MAOA: variants seen among roughly 807,000 people sequenced by gnomAD.
MAOA encodes the protein monoamine oxidase A, also known as amine oxidase [flavin-containing] A.
In MAOA, 6 loss-of-function variants were observed where a neutral mutation model predicts 42.0. That is an observed-to-expected ratio of 0.14 (90% confidence interval 0.08 to 0.28). The LOEUF (loss-of-function observed/expected upper bound fraction) is 0.28. MAOA is among the 10% of genes least tolerant of loss of function. MAOA has a pLI of 1.00. For synonymous variants in MAOA, 140 were observed against 154.0 expected, an observed-to-expected ratio of 0.91 and a Z score of 0.67; for missense variants, 262 against 422.3, an observed-to-expected ratio of 0.62 and a Z score of 3.33.
Position 43,744,394 on chromosome X carries a change from A to G in MAOA, c.1465A>G (p.Thr489Ala), listed in dbSNP as rs753629179. ...KDVPAVEITH[T>A]FWERNLPSVS... ...CGTTCCAGCGGTAGAAATCACCCAC[A>G]CCTTCTGGGAAAGGAACCTGCCCTC... Residue 489 changes from threonine (T) to alanine (A), a missense_variant, in exon 15 of 15, where the codon ACC (threonine) becomes GCC (alanine). By Grantham distance (58) the Thr-to-Ala change is moderately conservative (BLOSUM62 0). Around this residue, in one of 3 missense-constraint regions of MAOA, gnomAD observed 35 missense variants for 36.4 expected, o/e 0.96. Coordinates refer to ENST00000338702, the MANE Select transcript of MAOA (RefSeq NM_000240.4). The G allele has an allele frequency of 8.3e-7, 1 of 1,210,335 alleles. No homozygotes were observed. The highest frequency in any genetic ancestry group is 2.2e-5 in the Admixed American group (1 of 45,924).
Position 43,740,661 on chromosome X carries a change from T to A in MAOA, c.1107-20T>A. 8.5e-7 allele frequency: 1 copy of A among 1,170,806 alleles called. No individual in the cohort carries two copies. On this transcript the variant is annotated intron_variant, in intron 10 of 14. Transcript: ENST00000338702. ...CCTTCCCTAACTTTATTTTTTTTTT[T>A]TTTTGGCTCTGTTTTATAGGAAGAA...
At chrX:43,699,142 A>G (rs2033602468) in intron 3 of MAOA, among the ~76,000 whole-genome samples, 1 of 111,157 alleles carries the variant, frequency 9.0e-6, no homozygotes, top group African/African-American at 3.3e-5. Context: ...AATTTTAAAA[A>G]TAAATAAAAT....
intron 1 of MAOA, among the ~76,000 whole-genome samples, chrX:43,678,591 C>A (rs2033418946): frequency 9.0e-6 from 1 of 111,576 alleles, no homozygotes; most frequent in Non-Finnish European, 1.9e-5. Flanking sequence ...GTAGGGTTGA[C>A]AATTAAGATA....
intron 6 of MAOA, among the ~76,000 whole-genome samples, chrX:43,730,362 C>T (rs1444806322): frequency 4.5e-5 from 5 of 110,333 alleles, no homozygotes; most frequent in East Asian, 2.8e-4. Flanking sequence ...TTATAAGGGC[C>T]GCTCAAGAGA....
chrX:43,718,529 G>A (rs1395985509), intron 5 of MAOA, among the ~76,000 whole-genome samples: 1 of 107,883 alleles, frequency 9.3e-6, no homozygotes, highest in Non-Finnish European at 1.9e-5. Flanking sequence ...GAAATGATCA[G>A]AGGGGTAGTG....
At chrX:43,660,895 C>T (rs984566605) in intron 1 of MAOA, among the ~76,000 whole-genome samples, 7 of 111,632 alleles carry the variant, frequency 6.3e-5, no homozygotes, top group Non-Finnish European at 1.1e-4. Flanking sequence ...TGAAATGGTT[C>T]TCTTTAGTAG....
intron 8 of MAOA, 78 bp from the exon 9 acceptor site, chrX:43,732,621 T>C: frequency 5.9e-6 from 4 of 682,217 alleles, no homozygotes; most frequent in Non-Finnish European, 9.6e-6. Flanking sequence ...TAAAAAATAG[T>C]TTATATATAT....
rs1229034614 is a variant in MAOA at position 43,659,842 on chromosome X, C to A, written c.73+3428C>A. 7.2e-5 allele frequency among the ~76,000 whole-genome samples: 8 copies of A among 111,340 alleles called. No individual in the cohort carries two copies. The Admixed American group carries it at 7.7e-4, about 11-fold the overall frequency. On this transcript the variant is annotated intron_variant, in intron 1 of 14. Transcript: ENST00000338702. ...TTCTGCACCCTTTTAGCAGATCCTT[C>A]TCACTCTTCTTTGGGGCTATCTCTC... is the stretch of plus-strand genomic sequence containing the variant.
intron 3 of MAOA, 59 bp downstream of exon 3, chrX:43,693,487 T>A (rs1187781141): frequency 3.2e-5 from 37 of 1,150,216 alleles, no homozygotes; most frequent in Non-Finnish European, 4.4e-5. Flanking sequence ...GAGAAAACAT[T>A]TGGTTTGTTT....
In MAOA at chrX:43,703,233, T is replaced by C. The variant is rs185019470; in HGVS notation, c.307-8639T>C. Among the ~76,000 whole-genome samples the C allele has an allele frequency of 1.0e-2, 1,111 of 111,234 alleles. 15 individuals are homozygous for C. The highest frequency in any genetic ancestry group is 0.034 in the African/African-American group (1,053 of 30,536). On this transcript the variant is annotated intron_variant, in intron 3 of 14. Coordinates refer to ENST00000338702, the MANE Select transcript of MAOA (RefSeq NM_000240.4). ...AGTAGTAGGGGGCAGGGCCACATCC[T>C]CCCAGACACTGTGATACACAAGGTG... is the stretch of plus-strand genomic sequence containing the variant.
intron 5 of MAOA, among the ~76,000 whole-genome samples, chrX:43,721,059 T>G (rs1215461828): frequency 9.1e-6 from 1 of 109,341 alleles, no homozygotes; most frequent in African/African-American, 3.3e-5. Flanking sequence ...ACAGGAAGAG[T>G]CAATGGTATG....
At chrX:43,737,463 A>G (rs923491738) in intron 10 of MAOA, among the ~76,000 whole-genome samples, 6 of 112,140 alleles carry the variant, frequency 5.4e-5, no homozygotes, top group Non-Finnish European at 9.4e-5. Flanking sequence ...TATGATGCCA[A>G]CAGATTCAAT....
At position 43,731,351 on chromosome X, in the gene MAOA, C is replaced by A. The variant is rs1338890403; in HGVS notation, c.756C>A (p.Asp252Glu). The A allele has an allele frequency of 1.7e-6, 2 of 1,209,060 alleles. No individual in the cohort carries two copies. The highest frequency in any genetic ancestry group is 3.5e-5 in the African/African-American group (2 of 57,293). The change falls in exon 7 of 15, where the codon GAC becomes GAA. Residue 252 changes from aspartate to glutamate, a missense_variant. Asp to Glu is a conservative substitution (Grantham distance 45). Transcript: ENST00000338702. Reference sequence around the variant, plus strand: ...TCACTCACGTTGACCAGTCAAGTGACAACATCATCATAGAGACGCTGAACC... The same window carrying A: ...TCACTCACGTTGACCAGTCAAGTGAAAACATCATCATAGAGACGCTGAACC... ...HPVTHVDQSSDNIIIETLNHE... is the reference protein window; with the variant it reads ...HPVTHVDQSSENIIIETLNHE...
chrX:43,684,148 T>A (rs1326075750), intron 2 of MAOA, among the ~76,000 whole-genome samples: 1 of 111,929 alleles, frequency 8.9e-6, no homozygotes, highest in South Asian at 3.7e-4. Flanking sequence ...CCCTAAGAAG[T>A]ATGCTTCTGC....
intron 5 of MAOA, among the ~76,000 whole-genome samples, chrX:43,722,928 A>G (rs1156660949): frequency 8.9e-6 from 1 of 111,944 alleles, no homozygotes; most frequent in Non-Finnish European, 1.9e-5. Flanking sequence ...TCCCAGCACT[A>G]TTTATTAAAT....
chrX:43,674,155 G>A (rs1406769442), intron 1 of MAOA, among the ~76,000 whole-genome samples: 1 of 111,182 alleles, frequency 9.0e-6, no homozygotes, highest in Non-Finnish European at 1.9e-5. Context: ...ATATATTTAG[G>A]ATAGATAGCT....
intron 8 of MAOA, 136 bp from the exon 9 acceptor site, chrX:43,732,561 GAC>G: frequency 2.0e-6 from 1 of 492,351 alleles, no homozygotes; most frequent in East Asian, 3.7e-5. Flanking sequence ...TATTTAACAA[GAC>G]ATGTAGGGTT....
intron 2 of MAOA, 97 bp downstream of exon 2, chrX:43,683,704 C>A: frequency 2.8e-6 from 2 of 713,200 alleles, no homozygotes; most frequent in South Asian, 2.3e-5. Flanking sequence ...CTTAAGAGTT[C>A]ATGCAGTTAA....
chrX:43,671,212 A>G (rs56366653), intron 1 of MAOA, among the ~76,000 whole-genome samples: 46,667 of 87,556 alleles, frequency 0.53, 10,962 homozygotes, highest in Non-Finnish European at 0.63. Flanking sequence ...GCATTTTTTC[A>G]TGTGTTTTTT....
Sources: gnomAD v4.1 joint callset for allele counts (sites outside exome capture counted in the v4.1 genomes callset) on GRCh38, gnomAD v4.1.1 for gene constraint, gnomAD v4.1.1 regional missense constraint, MANE v1.5 for transcripts, NCBI Gene and HGNC (gene_info 2026-07-23, HGNC 2026-07-21) for gene names.